FGD3: variants seen among roughly 807,000 people sequenced by gnomAD.
FGD3 encodes the protein FYVE, RhoGEF and PH domain-containing protein 3.
In FGD3, 45 loss-of-function variants were observed where a neutral mutation model predicts 71.8. The ratio of observed to expected loss-of-function variants is 0.63; its 90% confidence interval spans 0.49 to 0.80. FGD3 has a LOEUF of 0.80. Among genes scored for constraint, FGD3 ranks in the 30% least tolerant of loss-of-function variants. The probability of loss-of-function intolerance (pLI) is 0.00; values close to 1 mark genes in which losing one functional copy is unlikely to be tolerated. For missense variants in FGD3, 844 were observed against 951.5 expected, an observed-to-expected ratio of 0.89 and a Z score of 1.49; for synonymous variants, 378 against 392.8, an observed-to-expected ratio of 0.96 and a Z score of 0.44.
At position 93,015,702 on chromosome 9, in the gene FGD3, G is replaced by C. The variant is rs186086948; in HGVS notation, c.1183-35G>C. 4.3e-5 allele frequency: 69 copies of C among 1,588,948 alleles called. 1 individual carries two copies. The East Asian group carries it at 1.5e-3, about 34-fold the overall frequency. ...GGGCCCCTGGGGGGACCTGCGGGCA[G>C]CTCTCGTTCCTCACCTGTGCCATCC... On this transcript the variant is annotated intron_variant, in intron 9 of 17. Transcript: ENST00000375482.
chr9:93,033,320 GTCCCCTTCTCCTCCTC>G (rs1447838081), intron 16 of FGD3: 5 of 152,320 alleles, frequency 3.3e-5, no homozygotes, highest in Non-Finnish European at 6.1e-5. Context: ...CCTCCTCCCC[GTCCCCTTCTCCTCCTC>G]CTCCCCGTCC....
intron 15 of FGD3, among the ~76,000 whole-genome samples, chr9:93,030,723 G>A (rs570089939): frequency 1.4e-4 from 20 of 144,112 alleles, no homozygotes; most frequent in East Asian, 1.1e-3. Context: ...GGCAGCAGGG[G>A]GGGGGGAATA....
At chr9:92,975,889 T>C (rs1859733163) in intron 2 of FGD3, among the ~76,000 whole-genome samples, 1 of 152,244 alleles carries the variant, frequency 6.6e-6, no homozygotes, top group Non-Finnish European at 1.5e-5. Flanking sequence ...CTTTTGGTTA[T>C]GGTCACTACC....
chr9:93,026,205 G>T (rs1426612716), intron 14 of FGD3, among the ~76,000 whole-genome samples: 1 of 152,166 alleles, frequency 6.6e-6, no homozygotes, highest in Non-Finnish European at 1.5e-5. Context: ...GGTCAACGCT[G>T]GTGTGTTTTG....
intron 7 of FGD3, among the ~76,000 whole-genome samples, 189 bp from the exon 8 acceptor site, chr9:93,011,025 G>A (rs1861332713): frequency 6.6e-6 from 1 of 152,100 alleles, no homozygotes. Context: ...CAGAAGGGAT[G>A]TGTCTGCAGG....
At chr9:92,950,275 G>A (rs528608534) in intron 1 of FGD3, among the ~76,000 whole-genome samples, 16 of 152,028 alleles carry the variant, frequency 1.1e-4, no homozygotes, top group Non-Finnish European at 2.1e-4. Flanking sequence ...AAATTAGCCG[G>A]GCATGGTGGC....
At chr9:92,959,181 G>A (rs968622357) in intron 1 of FGD3, among the ~76,000 whole-genome samples, 5 of 152,082 alleles carry the variant, frequency 3.3e-5, no homozygotes, top group Admixed American at 6.5e-5. Context: ...GGCTGGTCGT[G>A]AACTCCTGAC....
rs896895638 is a variant in FGD3, at chr9:92,969,053, G to A, written c.-217-6185G>A. 2.6e-5 allele frequency among the ~76,000 whole-genome samples: 4 copies of A among 152,210 alleles called. No homozygotes were observed. The highest frequency in any genetic ancestry group is 7.2e-5 in the African/African-American group (3 of 41,450). On this transcript the variant is annotated intron_variant, in intron 1 of 17. Transcript: ENST00000375482. The surrounding 1 kb of genome is among the most constrained non-coding windows in gnomAD (Gnocchi z 4.5). Reference sequence around the variant, plus strand: ...AGTGAGAAGCCATATGGGGACCAGCGGATATAGGCAGTTCACATGGTTTAT... The same window carrying A: ...AGTGAGAAGCCATATGGGGACCAGCAGATATAGGCAGTTCACATGGTTTAT...
chr9:92,976,153 A>G lies in FGD3; in HGVS notation c.-49-55A>G. On this transcript the variant is annotated intron_variant, in intron 2 of 17. Coordinates refer to ENST00000375482, the MANE Select transcript of FGD3 (RefSeq NM_001083536.2). ...GAGCTGCATTTGGGGGTTGCACCTG[A>G]GGGTGCTGGTCCATGCCTGGCTAGC... The G allele has an allele frequency of 2.7e-6, 3 of 1,094,402 alleles. No individual in the cohort carries two copies. In the South Asian group the frequency reaches 5.1e-5, roughly 19 times the overall value. The allele number at this position is 1,094,402 out of a possible 1,614,324, so 67.8% of individuals were successfully genotyped here. A position where few individuals can be genotyped will look rare whatever the true frequency, so the allele number is the denominator to read the frequency against.
chr9:93,017,251 G>A (rs1238310031), intron 10 of FGD3, among the ~76,000 whole-genome samples: 2 of 152,204 alleles, frequency 1.3e-5, no homozygotes, highest in Admixed American at 1.3e-4. Flanking sequence ...CAGCTTGGCT[G>A]ACAGGACAAG....
At chr9:93,020,599 A>T in intron 13 of FGD3, 175 bp downstream of exon 13, 1 of 595,120 alleles carries the variant, frequency 1.7e-6, no homozygotes. Context: ...GACAAATTAA[A>T]TTTAACAATT....
chr9:93,005,284 G>C (rs1397039314), intron 5 of FGD3, among the ~76,000 whole-genome samples: 1 of 151,918 alleles, frequency 6.6e-6, no homozygotes, highest in Non-Finnish European at 1.5e-5. Flanking sequence ...CACCACACCC[G>C]GCTAATTATT....
chr9:93,007,607 G>A (rs1049765551), intron 6 of FGD3, among the ~76,000 whole-genome samples: 8 of 152,182 alleles, frequency 5.3e-5, no homozygotes, highest in Non-Finnish European at 1.2e-4. Flanking sequence ...AGCTGAGATC[G>A]CGCCTGCCAT....
chr9:93,009,093 T>C (rs1861190064), intron 6 of FGD3, among the ~76,000 whole-genome samples: 1 of 151,922 alleles, frequency 6.6e-6, no homozygotes, highest in Non-Finnish European at 1.5e-5. Flanking sequence ...TGAAACCCCA[T>C]CTCTACTAAA....
chr9:93,004,702 G>A (rs1043601425), intron 5 of FGD3, among the ~76,000 whole-genome samples: 15 of 152,012 alleles, frequency 9.9e-5, no homozygotes, highest in Non-Finnish European at 1.8e-4. Flanking sequence ...TCTGGGTGCC[G>A]CTGCTGTTTG....
chr9:93,016,358 G>A (rs1408508099), intron 10 of FGD3, among the ~76,000 whole-genome samples: 1 of 23,394 alleles, frequency 4.3e-5, no homozygotes, highest in South Asian at 1.4e-3. Flanking sequence ...TTTTTTTTTT[G>A]AGACGGAGTC....
chr9:92,980,521 T>G (rs930637227), intron 3 of FGD3, among the ~76,000 whole-genome samples: 2 of 152,138 alleles, frequency 1.3e-5, no homozygotes, highest in African/African-American at 4.8e-5. Flanking sequence ...TCTTCTCTTT[T>G]GAGTTTCTTG....
In FGD3 at chr9:92,976,540, G is replaced by T; in HGVS notation, c.284G>T (p.Gly95Val). 3.1e-6 allele frequency: 5 copies of T among 1,612,632 alleles called. No homozygotes were observed. Among genetic ancestry groups the T allele is most frequent in the Non-Finnish European group, 4.2e-6 (5 of 1,179,834 alleles). ...VAGENFPCEE[G>V]LEAGPSPTVL... Reference sequence around the variant, plus strand: ...GGAGAGAACTTTCCCTGCGAGGAGGGCTTGGAGGCTGGCCCAAGCCCCACT... The same window carrying T: ...GGAGAGAACTTTCCCTGCGAGGAGGTCTTGGAGGCTGGCCCAAGCCCCACT... Residue 95 changes from glycine (G) to valine (V), a missense_variant, in exon 3 of 18, where the codon GGC becomes GTC. Coordinates refer to ENST00000375482, the MANE Select transcript of FGD3 (RefSeq NM_001083536.2).
intron 3 of FGD3, among the ~76,000 whole-genome samples, chr9:93,001,814 T>C (rs1239259185): frequency 6.6e-6 from 1 of 152,172 alleles, no homozygotes; most frequent in African/African-American, 2.4e-5. Context: ...CAGGGAGAAT[T>C]GGCCTGCCAC....
Sources: gnomAD v4.1 joint callset for allele counts (sites outside exome capture counted in the v4.1 genomes callset) on GRCh38, gnomAD v4.1.1 for gene constraint, Gnocchi (gnomAD v3.1) non-coding constraint, MANE v1.5 for transcripts, NCBI Gene and HGNC (gene_info 2026-07-23, HGNC 2026-07-21) for gene names.